The following BRSK1 variants were observed in gnomAD, a reference collection of about 807,000 sequenced individuals.
BRSK1 encodes the protein serine/threonine-protein kinase BRSK1.
BRSK1 carries 17 observed loss-of-function variants against 86.2 expected under a neutral mutation model. That is an observed-to-expected ratio of 0.20 (90% CI 0.14 to 0.30). The LOEUF (loss-of-function observed/expected upper bound fraction) is 0.30, where lower values mean the gene tolerates loss of function less well. Among genes scored for constraint, BRSK1 ranks in the 10% least tolerant of loss-of-function variants. The pLI is 1.00. For missense variants in BRSK1, 719 were observed against 1,071.9 expected (o/e 0.67, Z 4.60); for synonymous variants, 464 against 440.1 (o/e 1.05, Z -0.68).
Position 55,302,021 on chromosome 19 carries a change from C to G in BRSK1, c.826-116C>G. On this transcript the variant is annotated intron_variant, in intron 8 of 18. Coordinates refer to ENST00000309383, the MANE Select transcript of BRSK1 (RefSeq NM_032430.2). The surrounding 1 kb of genome is among the most constrained non-coding windows in gnomAD (Gnocchi z 6.3). ...GCGATGTAATATGTCATCCTGCCCC[C>G]GGTGGGGTGGGCGGGGAGATGATCA... The G allele has an allele frequency of 8.3e-7, 1 of 1,202,176 alleles. No homozygotes were observed. Among genetic ancestry groups the G allele is most frequent in the Admixed American group, 1.7e-5 (1 of 59,486 alleles). The allele number at this position is 1,202,176 out of a possible 1,614,324, so 74.5% of individuals were successfully genotyped here.
At chr19:55,286,345 C>A (rs1486188510) in intron 1 of BRSK1, among the ~76,000 whole-genome samples, 1 of 151,542 alleles carries the variant, frequency 6.6e-6, no homozygotes. Flanking sequence ...GTCCTGGAGT[C>A]GAGGGTCCTG....
At chr19:55,311,254 G>A (rs1342879326) in intron 18 of BRSK1, among the ~76,000 whole-genome samples, 2 of 152,090 alleles carry the variant, frequency 1.3e-5, no homozygotes, top group African/African-American at 2.4e-5. Context: ...GAGCCACTGC[G>A]CCCGGCCCAC....
In BRSK1 at chr19:55,303,641, A is replaced by T. The variant is rs1490806881; in HGVS notation, c.1127-26A>T. 1.9e-6 allele frequency: 3 copies of T among 1,574,858 alleles called. No individual in the cohort carries two copies. The East Asian group carries it at 6.8e-5, about 35-fold the overall frequency. On this transcript the variant is annotated intron_variant, in intron 11 of 18. Coordinates refer to ENST00000309383, the MANE Select transcript of BRSK1 (RefSeq NM_032430.2). The surrounding 1 kb of genome is among the most constrained non-coding windows in gnomAD (Gnocchi z 5.1). ...CACAGCTGGGTGAAACCATCTCTTG[A>T]TTGGGTTGAAACTGTTGTCCCTCAG...
rs2088464264 is a variant in BRSK1, at chr19:55,294,959, G to C, written c.678+562G>C. Among the ~76,000 whole-genome samples the C allele has an allele frequency of 6.6e-6, 1 of 151,902 alleles. No individual in the cohort carries two copies. The highest frequency in any genetic ancestry group is 6.6e-5 in the Admixed American group (1 of 15,228). On this transcript the variant is annotated intron_variant, in intron 7 of 18. Coordinates refer to ENST00000309383, the MANE Select transcript of BRSK1 (RefSeq NM_032430.2). This position sits in a 1 kb window ranked among gnomAD's most constrained non-coding sequence, Gnocchi z 4.9. Reference sequence around the variant, plus strand: ...TGGGACTACAGGTACCTGCCACCATGCTTGGCTAATTTTTGTATCTTTAGT... The same window carrying C: ...TGGGACTACAGGTACCTGCCACCATCCTTGGCTAATTTTTGTATCTTTAGT...
In BRSK1 at chr19:55,294,824, CAG is replaced by C. The variant is rs1301056340; in HGVS notation, c.678+430_678+431del. Among the ~76,000 whole-genome samples, 1 of 151,874 alleles carries C rather than the reference CAG, an allele frequency of 6.6e-6. No individual in the cohort carries two copies. The highest frequency in any genetic ancestry group is 2.4e-5 in the African/African-American group (1 of 41,330). ...GCCTATTTATTTATGTATTTTGAGACAGAGTCTTGCTCTGTTGCCCAGGCTGG... is the reference window on the plus strand; with the variant it reads ...GCCTATTTATTTATGTATTTTGAGACAGTCTTGCTCTGTTGCCCAGGCTGG... On this transcript the variant is annotated intron_variant, in intron 7 of 18. Coordinates refer to ENST00000309383, the MANE Select transcript of BRSK1 (RefSeq NM_032430.2). The surrounding 1 kb of genome is among the most constrained non-coding windows in gnomAD (Gnocchi z 4.9).
chr19:55,306,412 G>A lies in BRSK1; in HGVS notation c.2051G>A (p.Gly684Asp). 6.2e-7 allele frequency: 1 copy of A among 1,613,824 alleles called. No individual in the cohort carries two copies. The highest frequency in any genetic ancestry group is 8.5e-7 in the Non-Finnish European group (1 of 1,180,022). ...TCCCCGCGACGGGACGGCAGCGGAG[G>A]TGGTGGCATCTACTCCGTCACCTTC... The part of the protein sequence containing the change: ...EPSPRRDGSG[G>D]GGIYSVTFTL... The change falls in exon 17 of 19, where the codon GGT (glycine) becomes GAT (aspartate). Residue 684 changes from glycine (G) to aspartate (D), a missense_variant. Gly to Asp is a moderately conservative substitution (Grantham distance 94). Around this residue, in one of 6 missense-constraint regions of BRSK1, gnomAD observed 180 missense variants for 259.4 expected, o/e 0.69. Transcript: ENST00000309383. This position sits in a 1 kb window ranked among gnomAD's most constrained non-coding sequence, Gnocchi z 4.7.
intron 14 of BRSK1, 128 bp downstream of exon 14, chr19:55,305,048 G>A: frequency 7.1e-7 from 1 of 1,410,386 alleles, no homozygotes; most frequent in Non-Finnish European, 9.5e-7. Context: ...ACGTTCTAGA[G>A]AAGAGGGGGT....
chr19:55,292,555 C>T (rs2088423115), intron 4 of BRSK1, among the ~76,000 whole-genome samples: 4 of 152,086 alleles, frequency 2.6e-5, no homozygotes, highest in Admixed American at 2.6e-4. Flanking sequence ...GTTTCCAGGC[C>T]GGGCGCGGTG....
intron 1 of BRSK1, among the ~76,000 whole-genome samples, chr19:55,285,417 G>A (rs979449417): frequency 2.0e-5 from 3 of 152,102 alleles, no homozygotes; most frequent in South Asian, 2.1e-4. Flanking sequence ...GAGTGGGGCC[G>A]GGCTGGGACC....
chr19:55,308,218 G>A (rs931390999), intron 17 of BRSK1, among the ~76,000 whole-genome samples: 11 of 130,394 alleles, frequency 8.4e-5, no homozygotes, highest in African/African-American at 3.9e-4. Flanking sequence ...ACAGGGTTTC[G>A]CCATGTTGGC....
chr19:55,301,780 G>A, intron 8 of BRSK1, 122 bp downstream of exon 8: 1 of 1,218,376 alleles, frequency 8.2e-7, no homozygotes, highest in Non-Finnish European at 1.1e-6. Context: ...GACTGGGATC[G>A]CCAGCTGAGC....
At chr19:55,301,437 C>T (rs999960347) in intron 7 of BRSK1, 75 bp from the exon 8 acceptor site, 6 of 1,534,878 alleles carry the variant, frequency 3.9e-6, no homozygotes, top group Non-Finnish European at 5.3e-6. Flanking sequence ...TGGAGATCAC[C>T]GTAGTTCCCC....
At chr19:55,284,876 C>G (rs541499827) in intron 1 of BRSK1, among the ~76,000 whole-genome samples, 10 of 101,350 alleles carry the variant, frequency 9.9e-5, no homozygotes, top group South Asian at 3.4e-4. Context: ...TCCTGGGTTT[C>G]AGGGAGGAGG....
intron 1 of BRSK1, 34 bp downstream of exon 1, chr19:55,284,612 G>A: frequency 7.9e-7 from 1 of 1,270,224 alleles, no homozygotes; most frequent in Non-Finnish European, 1.0e-6. Flanking sequence ...CTGGGGCGGG[G>A]GGCAGGGTGG....
At chr19:55,308,169 C>A (rs866771349) in intron 17 of BRSK1, among the ~76,000 whole-genome samples, 2 of 151,436 alleles carry the variant, frequency 1.3e-5, no homozygotes, top group African/African-American at 2.4e-5. Context: ...TACAGGCATG[C>A]GTCACCATGC....
intron 1 of BRSK1, 141 bp downstream of exon 1, chr19:55,284,719 C>A: frequency 1.4e-6 from 1 of 696,294 alleles, no homozygotes; most frequent in Non-Finnish European, 2.0e-6. Context: ...GGGATTCAGA[C>A]TCCTGGGTCC....
At chr19:55,307,788 A>ACACACACAC (rs1458252845) in intron 17 of BRSK1, among the ~76,000 whole-genome samples, 3 of 97,814 alleles carry the variant, frequency 3.1e-5, no homozygotes, top group African/African-American at 1.2e-4. Context: ...ACACACACAC[A>ACACACACAC]ATTTAAAAAA....
In BRSK1 at chr19:55,303,476, C is replaced by T; in HGVS notation, c.1126+68C>T. ...ATTGGAAGAGGCTGGCCACGGGGAC[C>T]CCAGATTCCCAAGGAAAGAAGGGGC... On this transcript the variant is annotated intron_variant, in intron 11 of 18. Coordinates refer to ENST00000309383, the MANE Select transcript of BRSK1 (RefSeq NM_032430.2). The surrounding 1 kb of genome is among the most constrained non-coding windows in gnomAD (Gnocchi z 5.1). 1 of 1,539,662 alleles carries T rather than the reference C, an allele frequency of 6.5e-7. No homozygotes were observed. Among genetic ancestry groups the T allele is most frequent in the Non-Finnish European group, 9.0e-7 (1 of 1,114,700 alleles).
In BRSK1 at chr19:55,305,448, C is replaced by A. The variant is rs763344430; in HGVS notation, c.1767-15C>A. The A allele has an allele frequency of 8.1e-6, 13 of 1,614,162 alleles. No individual in the cohort carries two copies. The highest frequency in any genetic ancestry group is 3.3e-5 in the South Asian group (3 of 91,090). ...CGCCTTCCTAACCCTCCTCCAACCA[C>A]CCCCTCCCACTCAGGCTGGCAAAAC... is the stretch of plus-strand genomic sequence containing the variant. On this transcript the variant is annotated splice_polypyrimidine_tract_variant and intron_variant, in intron 15 of 18. Transcript: ENST00000309383.
Sources: allele counts gnomAD v4.1 joint callset (sites outside exome capture counted in the v4.1 genomes callset), GRCh38; gene constraint gnomAD v4.1.1; regional missense constraint gnomAD v4.1.1; non-coding constraint Gnocchi (gnomAD v3.1); transcripts MANE v1.5; gene names NCBI Gene and HGNC (gene_info 2026-07-23, HGNC 2026-07-21).